Variants in ZNF608 observed in about 807,000 individuals in gnomAD.
The protein encoded by ZNF608 is renal carcinoma antigen NY-REN-36.
A neutral mutation model predicts 109.0 loss-of-function variants in ZNF608; 12 were observed. The ratio of observed to expected loss-of-function variants is 0.11; its 90% CI spans 0.07 to 0.18. The LOEUF (loss-of-function observed/expected upper bound fraction) is 0.18, where lower values mean the gene tolerates loss of function less well. Among genes scored for constraint, ZNF608 ranks in the 10% least tolerant of loss-of-function variants. The probability of loss-of-function intolerance (pLI) is 1.00; values close to 1 mark genes in which losing one functional copy is unlikely to be tolerated. For synonymous variants in ZNF608, 732 were observed against 717.4 expected (o/e 1.02, Z -0.33); for missense variants, 1,707 against 1,879.3 (o/e 0.91, Z 1.70).
intron 3 of ZNF608, among the ~76,000 whole-genome samples, chr5:124,680,347 C>T (rs1215645106): frequency 7.7e-6 from 1 of 129,636 alleles, no homozygotes; most frequent in Admixed American, 7.4e-5. Flanking sequence ...ATATTATGGC[C>T]ACAAAAAAAA....
intron 2 of ZNF608, among the ~76,000 whole-genome samples, chr5:124,723,167 A>G (rs968579295): frequency 6.6e-6 from 1 of 151,692 alleles, no homozygotes; most frequent in Non-Finnish European, 1.5e-5. Context: ...AATAGGTGGG[A>G]TTACAGGCAC....
intron 3 of ZNF608, among the ~76,000 whole-genome samples, chr5:124,657,656 C>A (rs560671844): frequency 8.5e-4 from 130 of 152,196 alleles, no homozygotes; most frequent in Middle Eastern, 3.4e-3. Flanking sequence ...GCCTGGGCGA[C>A]AGAGCGAGAC....
intron 3 of ZNF608, among the ~76,000 whole-genome samples, chr5:124,650,630 G>C (rs1195011565): frequency 6.6e-6 from 1 of 152,146 alleles, no homozygotes; most frequent in Admixed American, 6.5e-5. Context: ...ATTTCTGAGA[G>C]GACAAATGCC....
intron 3 of ZNF608, among the ~76,000 whole-genome samples, chr5:124,665,554 T>C (rs1449039259): frequency 2.0e-5 from 3 of 152,264 alleles, no homozygotes. Flanking sequence ...TTTCCTTTTT[T>C]AAAATAATCT....
intron 3 of ZNF608, among the ~76,000 whole-genome samples, chr5:124,674,510 T>TA (rs1477663877): frequency 1.3e-5 from 2 of 152,188 alleles, no homozygotes; most frequent in African/African-American, 4.8e-5. Flanking sequence ...ACTAACTCAT[T>TA]AAAAAAATGC....
At chr5:124,656,377 T>C (rs1456875517) in intron 3 of ZNF608, among the ~76,000 whole-genome samples, 1 of 152,220 alleles carries the variant, frequency 6.6e-6, no homozygotes, top group Non-Finnish European at 1.5e-5. Flanking sequence ...AGATCTTCTC[T>C]GTCAGCGGCT....
At chr5:124,735,043 G>GA (rs1361054730) in intron 2 of ZNF608, 3 of 152,116 alleles carry the variant, frequency 2.0e-5, no homozygotes, top group Admixed American at 6.5e-5. Context: ...CGGCTTTCGG[G>GA]AAAAAATGCA....
At chr5:124,712,379 C>G (rs1367011945) in intron 2 of ZNF608, among the ~76,000 whole-genome samples, 1 of 152,134 alleles carries the variant, frequency 6.6e-6, no homozygotes, top group Non-Finnish European at 1.5e-5. Context: ...AGAATTAGAT[C>G]ATTCTAGATC....
chr5:124,690,434 G>A (rs953711439), intron 3 of ZNF608, among the ~76,000 whole-genome samples: 2 of 152,222 alleles, frequency 1.3e-5, no homozygotes, highest in Non-Finnish European at 2.9e-5. Context: ...CTCTGGTGGG[G>A]AATGTTGATA....
intron 2 of ZNF608, among the ~76,000 whole-genome samples, chr5:124,730,492 A>G (rs1561589190): frequency 6.6e-6 from 1 of 152,238 alleles, no homozygotes; most frequent in Non-Finnish European, 1.5e-5. Flanking sequence ...TACTGACTCC[A>G]GGTAAATGGA....
chr5:124,701,817 G>T (rs949791249), intron 2 of ZNF608, among the ~76,000 whole-genome samples: 5 of 152,118 alleles, frequency 3.3e-5, no homozygotes, highest in Admixed American at 6.5e-5. Flanking sequence ...ACTGGATATT[G>T]TTAGCATGTA....
intron 3 of ZNF608, among the ~76,000 whole-genome samples, chr5:124,672,500 A>T (rs116019651): frequency 6.6e-6 from 1 of 152,220 alleles, no homozygotes; most frequent in East Asian, 1.9e-4. Flanking sequence ...TGAAAAATGC[A>T]TGCAAAATGA....
chr5:124,639,299 A>C (rs1580512270), intron 8 of ZNF608, 85 bp from the exon 9 acceptor site: 1 of 1,128,906 alleles, frequency 8.9e-7, no homozygotes, highest in Non-Finnish European at 1.3e-6. Context: ...CCGCAGACCT[A>C]GTAGCAGCAT....
In ZNF608 at chr5:124,744,304, G is replaced by A. The variant is rs777296496; in HGVS notation, c.686C>T (p.Ala229Val). 8.1e-6 allele frequency: 13 copies of A among 1,613,966 alleles called. No homozygotes were observed. In the South Asian group the frequency reaches 1.2e-4, roughly 15 times the overall value. ...QGHQNGSGSQ[A>V]PSGGHLYGFG... Reference sequence around the variant, plus strand: ...GCCATAGAGGTGCCCCCCGGAAGGGGCCTGGCTGCCACTGCCATTCTGGTG... The same window carrying A: ...GCCATAGAGGTGCCCCCCGGAAGGGACCTGGCTGCCACTGCCATTCTGGTG... Residue 229 changes from alanine to valine, a missense_variant, in exon 2 of 10, where the codon GCC (alanine) becomes GTC (valine). By Grantham distance (64) the Ala-to-Val change is moderately conservative. Transcript: ENST00000513986. This position sits in a 1 kb window ranked among gnomAD's most constrained non-coding sequence, Gnocchi z 4.5.
At chr5:124,737,417 A>C (rs558915280) in intron 2 of ZNF608, among the ~76,000 whole-genome samples, 1 of 152,324 alleles carries the variant, frequency 6.6e-6, no homozygotes, top group East Asian at 1.9e-4. Context: ...AAGAAGAGTA[A>C]GTGGCTTTGA....
intron 3 of ZNF608, among the ~76,000 whole-genome samples, chr5:124,664,351 C>T (rs911793019): frequency 6.6e-6 from 1 of 152,130 alleles, no homozygotes; most frequent in Non-Finnish European, 1.5e-5. Flanking sequence ...CTCACTGAAT[C>T]TTGGTGAAGT....
At position 124,646,793 on chromosome 5, in the gene ZNF608, G is replaced by A. The variant is rs1750528193; in HGVS notation, c.3591C>T (p.Ser1197=). 2 of 1,614,250 alleles carry A rather than the reference G, an allele frequency of 1.2e-6. No homozygotes were observed. The highest frequency in any genetic ancestry group is 1.7e-6 in the Non-Finnish European group (2 of 1,180,048). Residue 1197 remains serine, a synonymous_variant, in exon 5 of 10, where the codon AGC becomes AGT. Transcript: ENST00000513986. ...SNHQQQLQAD[S]FKAKQMENHQ... ...GGTTTTCCATCTGCTTAGCTTTGAA[G>A]CTGTCGGCCTGAAGCTGCTGCTGGT...
Position 124,718,928 on chromosome 5 carries a change from G to A in ZNF608, c.907-17659C>T, listed in dbSNP as rs540434193. ...AACATGCACAATAGGAAATCCACTGGCTTTTTCTCTACCCTCAAAATCAGA... is the reference window on the plus strand; with the variant it reads ...AACATGCACAATAGGAAATCCACTGACTTTTTCTCTACCCTCAAAATCAGA... On this transcript the variant is annotated intron_variant, in intron 2 of 9. Coordinates refer to ENST00000513986, the MANE Select transcript of ZNF608 (RefSeq NM_020747.3). Among the ~76,000 whole-genome samples, 4 of 152,140 alleles carry A rather than the reference G, an allele frequency of 2.6e-5. No individual in the cohort carries two copies. The South Asian group carries it at 8.3e-4, about 32-fold the overall frequency.
chr5:124,672,315 A>C (rs182221214), intron 3 of ZNF608, among the ~76,000 whole-genome samples: 89 of 152,304 alleles, frequency 5.8e-4, no homozygotes, highest in African/African-American at 2.1e-3. Flanking sequence ...AAGGCCACTT[A>C]TTAAAAAAAA....
Sources: allele counts gnomAD v4.1 joint callset (sites outside exome capture counted in the v4.1 genomes callset), GRCh38; gene constraint gnomAD v4.1.1; non-coding constraint Gnocchi (gnomAD v3.1); transcripts MANE v1.5; gene names NCBI Gene and HGNC (gene_info 2026-07-23, HGNC 2026-07-21).